Variants in TTC23 observed in about 807,000 individuals in gnomAD.
TTC23 encodes the protein tetratricopeptide repeat domain 23.
TTC23 carries 58 observed loss-of-function variants against 55.1 expected under a neutral mutation model. The ratio of observed to expected loss-of-function variants is 1.05; its 90% confidence interval spans 0.85 to 1.31. TTC23 has a LOEUF of 1.31. Ranked by LOEUF, TTC23 falls within the 50% of genes most tolerant of loss-of-function variation. The pLI is 0.00. For synonymous variants in TTC23, 203 were observed against 199.9 expected (o/e 1.02, Z -0.13); for missense variants, 516 against 534.4 (o/e 0.97, Z 0.34).
intron 12 of TTC23, among the ~76,000 whole-genome samples, chr15:99,152,010 A>G (rs1348409700): frequency 1.3e-5 from 2 of 152,042 alleles, no homozygotes; most frequent in Non-Finnish European, 2.9e-5. Context: ...CCCCAATCTC[A>G]TGTTGAATTA....
At chr15:99,229,154 T>C (rs1173634797) in intron 4 of TTC23, among the ~76,000 whole-genome samples, 2 of 152,016 alleles carry the variant, frequency 1.3e-5, no homozygotes, top group Non-Finnish European at 2.9e-5. Context: ...TATATATATA[T>C]ATATCTAAAG....
intron 9 of TTC23, among the ~76,000 whole-genome samples, chr15:99,184,974 C>G (rs2074528668): frequency 2.0e-5 from 3 of 152,128 alleles, no homozygotes; most frequent in Admixed American, 2.0e-4. Flanking sequence ...TGAGATCTGA[C>G]AGTTTTATAA....
At chr15:99,239,365 G>C (rs1386695012) in intron 3 of TTC23, among the ~76,000 whole-genome samples, 1 of 152,016 alleles carries the variant, frequency 6.6e-6, no homozygotes, top group African/African-American at 2.4e-5. Context: ...TGTGCCTGTA[G>C]TCCCAGCTAC....
At chr15:99,181,549 T>C (rs2074116877) in intron 9 of TTC23, among the ~76,000 whole-genome samples, 1 of 152,234 alleles carries the variant, frequency 6.6e-6, no homozygotes, top group Non-Finnish European at 1.5e-5. Context: ...GTTTCTTTTA[T>C]AACTGACCAG....
intron 12 of TTC23, chr15:99,139,637 CA>C (rs1472880858): frequency 1.3e-6 from 2 of 1,489,072 alleles, no homozygotes; most frequent in East Asian, 5.5e-5. Flanking sequence ...TATCTGTATG[CA>C]AAAAATAGAT....
chr15:99,158,931 A>C (rs1474351190), intron 11 of TTC23: 2 of 152,388 alleles, frequency 1.3e-5, no homozygotes, highest in Non-Finnish European at 2.9e-5. Context: ...TGCCACACAC[A>C]AGGGTGCCTG....
At chr15:99,165,003 T>A (rs2071871307) in intron 10 of TTC23, among the ~76,000 whole-genome samples, 1 of 152,152 alleles carries the variant, frequency 6.6e-6, no homozygotes, top group Non-Finnish European at 1.5e-5. Flanking sequence ...TATTAATAAC[T>A]CCCTTATAAG....
rs540943615 is a variant in TTC23 at position 99,152,758 on chromosome 15, A to G, written c.1143+3390T>C. ...GGGGTTAAATGAGTTAATATACACG[A>G]ATCACTTAACATGGTGCCACCGGTG... On this transcript the variant is annotated intron_variant, in intron 12 of 13. Coordinates refer to ENST00000394132, the MANE Select transcript of TTC23 (RefSeq NM_001288615.3). Among the ~76,000 whole-genome samples the G allele has an allele frequency of 9.9e-4, 151 of 152,184 alleles. 3 individuals are homozygous for G. Among genetic ancestry groups the G allele is most frequent in the African/African-American group, 3.3e-3 (137 of 41,496 alleles).
At chr15:99,142,088 C>T (rs1703756) in intron 12 of TTC23, among the ~76,000 whole-genome samples, 21,939 of 152,034 alleles carry the variant, frequency 0.14, 1,603 homozygotes, top group Admixed American at 0.16. Flanking sequence ...TAGGCTGTTG[C>T]GACCCTAGAA....
chr15:99,232,201 G>A (rs762708849), intron 4 of TTC23, among the ~76,000 whole-genome samples: 19 of 151,378 alleles, frequency 1.3e-4, no homozygotes, highest in South Asian at 1.1e-3. Flanking sequence ...AAAATTTGGC[G>A]GGGCGCGGTG....
At chr15:99,214,247 C>T (rs1177883797) in intron 8 of TTC23, among the ~76,000 whole-genome samples, 1 of 151,964 alleles carries the variant, frequency 6.6e-6, no homozygotes, top group Non-Finnish European at 1.5e-5. Context: ...GTGGCTCACG[C>T]CTGTAATCCC....
intron 8 of TTC23, 57 bp from the exon 9 acceptor site, chr15:99,200,153 T>C (rs2076083278): frequency 7.1e-7 from 1 of 1,414,928 alleles, no homozygotes; most frequent in Admixed American, 2.5e-5. Context: ...ATACTGAAAA[T>C]ATAGGTGAGC....
intron 9 of TTC23, among the ~76,000 whole-genome samples, chr15:99,197,919 A>G (rs1388176234): frequency 1.3e-5 from 2 of 151,902 alleles, no homozygotes; most frequent in African/African-American, 4.8e-5. Flanking sequence ...AAAAAAAAAG[A>G]AAAAAGAAAA....
At chr15:99,233,804 A>G (rs1179804558) in intron 4 of TTC23, among the ~76,000 whole-genome samples, 6 of 152,244 alleles carry the variant, frequency 3.9e-5, no homozygotes, top group Non-Finnish European at 8.8e-5. Context: ...AAGCTACGGT[A>G]GGCAAGGCAG....
At chr15:99,236,832 T>C (rs763846373) in intron 3 of TTC23, among the ~76,000 whole-genome samples, 3 of 152,232 alleles carry the variant, frequency 2.0e-5, no homozygotes, top group Non-Finnish European at 4.4e-5. Context: ...TTGTTGATTA[T>C]TGTCCTGTTT....
intron 9 of TTC23, among the ~76,000 whole-genome samples, chr15:99,195,292 A>C (rs1444768981): frequency 6.6e-6 from 1 of 152,246 alleles, no homozygotes; most frequent in Non-Finnish European, 1.5e-5. Flanking sequence ...ACCTCACCAA[A>C]GAAGATACAC....
chr15:99,230,179 T>C (rs997031201), intron 4 of TTC23, among the ~76,000 whole-genome samples: 1 of 152,016 alleles, frequency 6.6e-6, no homozygotes, highest in South Asian at 2.1e-4. Context: ...TTTAAAAAGT[T>C]AAATAAAGAC....
chr15:99,146,194 A>C (rs1003714270), intron 12 of TTC23, among the ~76,000 whole-genome samples: 2 of 152,252 alleles, frequency 1.3e-5, no homozygotes, highest in Admixed American at 1.3e-4. Flanking sequence ...ATTGAGAGAA[A>C]TCCTGCTGTG....
Position 99,166,459 on chromosome 15 carries a change from G to C in TTC23, c.866-4592C>G, listed in dbSNP as rs536121287. On this transcript the variant is annotated intron_variant, in intron 10 of 13. Transcript: ENST00000394132. Reference sequence around the variant, plus strand: ...CTAACCTCAGACTTACGGACGCCCAGTCATATTTTCCAAAGAGGATGCTTG... The same window carrying C: ...CTAACCTCAGACTTACGGACGCCCACTCATATTTTCCAAAGAGGATGCTTG... Among the ~76,000 whole-genome samples, 3 of 152,174 alleles carry C rather than the reference G, an allele frequency of 2.0e-5. No homozygotes were observed. The East Asian group carries it at 5.8e-4, about 29-fold the overall frequency.
Sources: allele counts gnomAD v4.1 joint callset (sites outside exome capture counted in the v4.1 genomes callset), GRCh38; gene constraint gnomAD v4.1.1; transcripts MANE v1.5; gene names NCBI Gene and HGNC (gene_info 2026-07-23, HGNC 2026-07-21).